Variants in SLC41A3 observed in about 807,000 individuals in gnomAD.
SLC41A3 encodes the protein SLC41A1-like 2.
SLC41A3 carries 44 observed loss-of-function variants against 45.4 expected under a neutral mutation model. That is an observed-to-expected ratio of 0.97 (90% CI 0.76 to 1.25). SLC41A3 has a LOEUF of 1.25. Ranked by LOEUF, SLC41A3 falls within the 50% of genes most tolerant of loss-of-function variation. The pLI is 0.00. For synonymous variants in SLC41A3, 256 were observed against 252.4 expected (o/e 1.01, Z -0.13); for missense variants, 550 against 600.6 (o/e 0.92, Z 0.88).
chr3:126,049,537 G>A (rs879465485), intron 3 of SLC41A3, among the ~76,000 whole-genome samples: 1 of 152,096 alleles, frequency 6.6e-6, no homozygotes, highest in African/African-American at 2.4e-5. Context: ...ATGCCTCCAT[G>A]GCAGAGATTA....
intron 2 of SLC41A3, chr3:126,056,502 C>A (rs1166025160): frequency 4.3e-6 from 7 of 1,614,048 alleles, no homozygotes; most frequent in African/African-American, 1.3e-5. Context: ...TGAAGCCTCG[C>A]AGCTTCTTGC....
chr3:126,094,111 A>G (rs914385582), intron 1 of SLC41A3, among the ~76,000 whole-genome samples: 1 of 152,194 alleles, frequency 6.6e-6, no homozygotes, highest in African/African-American at 2.4e-5. Flanking sequence ...TATTACAACA[A>G]TGGGGAGCAC....
intron 6 of SLC41A3, among the ~76,000 whole-genome samples, 191 bp downstream of exon 6, chr3:126,022,595 C>A (rs1357708992): frequency 6.6e-6 from 1 of 152,212 alleles, no homozygotes; most frequent in African/African-American, 2.4e-5. Context: ...AATTCAATCA[C>A]CTTTTAAAGG....
intron 3 of SLC41A3, among the ~76,000 whole-genome samples, chr3:126,043,730 T>C (rs1345793375): frequency 1.3e-5 from 2 of 150,972 alleles, no homozygotes; most frequent in East Asian, 3.9e-4. Context: ...GTAATCCTCA[T>C]GGTAACTACA....
intron 8 of SLC41A3, among the ~76,000 whole-genome samples, chr3:126,015,159 T>C (rs1328087750): frequency 6.6e-6 from 1 of 152,248 alleles, no homozygotes; most frequent in Non-Finnish European, 1.5e-5. Context: ...CTGAAGGCCA[T>C]GCTCAATTGG....
intron 1 of SLC41A3, among the ~76,000 whole-genome samples, chr3:126,068,479 T>TA (rs774706919): frequency 1.3e-5 from 2 of 152,076 alleles, no homozygotes; most frequent in South Asian, 2.1e-4. Flanking sequence ...ATATATGGGC[T>TA]AAAGTCAGCA....
chr3:126,011,100 C>G (rs1939657027), intron 9 of SLC41A3, among the ~76,000 whole-genome samples: 1 of 152,208 alleles, frequency 6.6e-6, no homozygotes, highest in Non-Finnish European at 1.5e-5. Flanking sequence ...TGAGACGACA[C>G]AGACGTCAGC....
chr3:126,070,002 T>G (rs1944540082), intron 1 of SLC41A3, among the ~76,000 whole-genome samples: 1 of 151,228 alleles, frequency 6.6e-6, no homozygotes. Flanking sequence ...ATATCAAGCA[T>G]AACAATATAA....
In SLC41A3 at chr3:126,016,770, A is replaced by G. The variant is rs146752841; in HGVS notation, c.851T>C (p.Phe284Ser). Residue 284 changes from phenylalanine to serine, a missense_variant, in exon 7 of 11, where the codon TTT becomes TCT. Coordinates refer to ENST00000360370, the MANE Select transcript of SLC41A3 (RefSeq NM_017836.4). ...QSPPIVKILKFGWFPIILAMV... is the reference protein window; with the variant it reads ...QSPPIVKILKSGWFPIILAMV... Reference sequence around the variant, plus strand: ...GGCCAGGATGATTGGGAACCAGCCAAACTTCAGGATCTTCACGATGGGTGG... The same window carrying G: ...GGCCAGGATGATTGGGAACCAGCCAGACTTCAGGATCTTCACGATGGGTGG... The G allele has an allele frequency of 2.2e-4, 353 of 1,612,264 alleles. 1 individual carries two copies. Among genetic ancestry groups the G allele is most frequent in the Non-Finnish European group, 2.9e-4 (343 of 1,179,438 alleles).
chr3:126,015,309 A>G (rs1448923120), intron 8 of SLC41A3, among the ~76,000 whole-genome samples, 185 bp downstream of exon 8: 1 of 152,168 alleles, frequency 6.6e-6, no homozygotes, highest in Non-Finnish European at 1.5e-5. Context: ...CTTCCTCCCC[A>G]GGCTTCTTCC....
intron 3 of SLC41A3, among the ~76,000 whole-genome samples, chr3:126,049,199 G>C (rs115626636): frequency 0.027 from 4,138 of 151,666 alleles, 163 homozygotes; most frequent in African/African-American, 0.091. Context: ...TTAAAATGTA[G>C]TTACGGGCTG....
intron 3 of SLC41A3, among the ~76,000 whole-genome samples, chr3:126,048,452 G>C (rs1943107833): frequency 6.6e-6 from 1 of 152,104 alleles, no homozygotes; most frequent in Non-Finnish European, 1.5e-5. Flanking sequence ...ATTTCATTTA[G>C]ATGTTTTGAA....
chr3:126,068,382 T>C lies in SLC41A3; in HGVS notation c.-27-136A>G, dbSNP rs559774844. On this transcript the variant is annotated intron_variant, in intron 1 of 10. Coordinates refer to ENST00000360370, the MANE Select transcript of SLC41A3 (RefSeq NM_017836.4). ...CCCACAGCCCTTACTCAGCACCTGC[T>C]CCACCAGCCTCCTGCACCCCAATTT... 32 of 616,078 alleles carry C rather than the reference T, an allele frequency of 5.2e-5. No individual in the cohort carries two copies. In the African/African-American group the frequency reaches 5.5e-4, roughly 11 times the overall value. 38.2% of individuals were successfully genotyped at this position (616,078 alleles called of 1,614,324 possible).
upstream of SLC41A3, among the ~76,000 whole-genome samples, chr3:126,085,704 G>A (rs1471872119): frequency 6.6e-6 from 1 of 152,100 alleles, no homozygotes; most frequent in Admixed American, 6.5e-5. Context: ...GTGAGGAATT[G>A]AACTGTTGTT....
At chr3:126,089,537 C>T (rs1399274138) in intron 1 of SLC41A3, among the ~76,000 whole-genome samples, 2 of 152,144 alleles carry the variant, frequency 1.3e-5, no homozygotes, top group Admixed American at 6.5e-5. Flanking sequence ...AAATTGGACA[C>T]ACCAAATGGG....
Position 126,050,966 on chromosome 3 carries a change from G to C in SLC41A3, c.358C>G (p.Leu120Val), listed in dbSNP as rs1441311738. 1 of 1,612,840 alleles carries C rather than the reference G, an allele frequency of 6.2e-7. No individual in the cohort carries two copies. Among genetic ancestry groups the C allele is most frequent in the East Asian group, 2.2e-5 (1 of 44,868 alleles). The change falls in exon 3 of 11, where the codon CTG becomes GTG. Residue 120 changes from leucine to valine, a missense_variant. Physicochemically the swap from Leu to Val is conservative, Grantham distance 32. Coordinates refer to ENST00000360370, the MANE Select transcript of SLC41A3 (RefSeq NM_017836.4). Reference protein sequence around the residue: ...VGLKGNLEMTLASRLSTAANT... With the variant: ...VGLKGNLEMTVASRLSTAANT... ...ACAGCTGTGGAGAGTCTGGATGCCAGTGTCATCTCCAGGTTCCCCTTCAGG... is the reference window on the plus strand; with the variant it reads ...ACAGCTGTGGAGAGTCTGGATGCCACTGTCATCTCCAGGTTCCCCTTCAGG...
intron 1 of SLC41A3, among the ~76,000 whole-genome samples, chr3:126,072,813 C>T (rs776795602): frequency 3.3e-5 from 5 of 152,186 alleles, no homozygotes; most frequent in African/African-American, 1.2e-4. Context: ...TAAAGACACA[C>T]GCACAGGTAT....
chr3:126,016,587 C>T, intron 7 of SLC41A3, 144 bp downstream of exon 7: 7 of 1,066,340 alleles, frequency 6.6e-6, no homozygotes, highest in Non-Finnish European at 9.1e-6. Flanking sequence ...AGGTATGATT[C>T]AATCAGCAAT....
chr3:126,026,373 C>A lies in SLC41A3; in HGVS notation c.560G>T (p.Ser187Ile), dbSNP rs1218607849. 1 of 1,575,876 alleles carries A rather than the reference C, an allele frequency of 6.3e-7. No homozygotes were observed. The highest frequency in any genetic ancestry group is 8.6e-7 in the Non-Finnish European group (1 of 1,159,610). ...DVAKVELLCA[S>I]SVLTAFLAAF... Reference sequence around the variant, plus strand: ...TGCAAGGAAGGCAGTGAGGACACTGCTGGCACACAGCAACTCCACCTTGGC... The same window carrying A: ...TGCAAGGAAGGCAGTGAGGACACTGATGGCACACAGCAACTCCACCTTGGC... Residue 187 changes from serine (S) to isoleucine (I), a missense_variant, in exon 5 of 11, where the codon AGC becomes ATC. Transcript: ENST00000360370. The surrounding 1 kb of genome is among the most constrained non-coding windows in gnomAD (Gnocchi z 4.2).
Sources: gnomAD v4.1 joint callset for allele counts (sites outside exome capture counted in the v4.1 genomes callset) on GRCh38, gnomAD v4.1.1 for gene constraint, Gnocchi (gnomAD v3.1) non-coding constraint, MANE v1.5 for transcripts, NCBI Gene and HGNC (gene_info 2026-07-23, HGNC 2026-07-21) for gene names.